The following EIF3A variants were observed in gnomAD, a reference collection of about 807,000 sequenced individuals.
EIF3A encodes eukaryotic translation initiation factor 3 subunit A, also known as EIF3, p180 subunit.
Under a neutral mutation model 186.6 loss-of-function variants are expected in EIF3A, and 21 were observed. That is an observed-to-expected ratio of 0.11 (90% CI 0.08 to 0.16). The LOEUF is 0.16. Ranked by LOEUF, EIF3A falls within the 10% of genes least tolerant of loss-of-function variation. EIF3A has a pLI of 1.00. For missense variants in EIF3A, 1,306 were observed against 1,796.3 expected, an observed-to-expected ratio of 0.73 and a Z score of 4.93; for synonymous variants, 563 against 584.3, an observed-to-expected ratio of 0.96 and a Z score of 0.52.
chr10:119,070,451 A>G (rs1237949935), intron 5 of EIF3A, among the ~76,000 whole-genome samples: 1 of 152,244 alleles, frequency 6.6e-6, no homozygotes. Context: ...ATACAAAATT[A>G]CCACAAAAAT....
At chr10:119,060,723 T>A in intron 9 of EIF3A, 23 bp downstream of exon 9, 1 of 1,568,410 alleles carries the variant, frequency 6.4e-7, no homozygotes, top group East Asian at 2.3e-5. Context: ...ATCACAAAAC[T>A]TTTTTTATTT....
Position 119,080,629 on chromosome 10 carries a change from G to T in EIF3A, c.48C>A (p.Asn16Lys). 6.3e-7 allele frequency: 1 copy of T among 1,592,446 alleles called. No homozygotes were observed. The highest frequency in any genetic ancestry group is 8.5e-7 in the Non-Finnish European group (1 of 1,171,064). ...QRPENALKRANEFLEVGKKQP... is the reference protein window; with the variant it reads ...QRPENALKRAKEFLEVGKKQP... ...GGCGCGCCCCGATCAGCTACTCACC[G>T]TTGGCGCGTTTGAGGGCATTTTCCG... is the stretch of plus-strand genomic sequence containing the variant. The change falls in exon 1 of 22, where the codon AAC becomes AAA. Residue 16 changes from asparagine to lysine, a missense_variant and splice_region_variant. Physicochemically the swap from Asn to Lys is moderately conservative, Grantham distance 94. This residue lies in a region of EIF3A where 130 missense variants were observed against 259.3 expected (regional missense o/e 0.50). Coordinates refer to ENST00000369144, the MANE Select transcript of EIF3A (RefSeq NM_003750.4).
chr10:119,059,233 G>A lies in EIF3A; in HGVS notation c.1608C>T (p.Val536=), dbSNP rs147399233. 5.0e-6 allele frequency: 8 copies of A among 1,614,010 alleles called. No individual in the cohort carries two copies. Among genetic ancestry groups the A allele is most frequent in the African/African-American group, 2.7e-5 (2 of 74,918 alleles). ...ATACCAGTATATGAGCTGGTTTAAT[G>A]ACTTCAAGTGCTTTTGCAAGTACTG... ...MSSVLAKALE[V]IKPAHILQEK... Residue 536 remains valine (V), a synonymous_variant, in exon 11 of 22, where the codon GTC becomes GTT. Coordinates refer to ENST00000369144, the MANE Select transcript of EIF3A (RefSeq NM_003750.4).
At chr10:119,050,731 C>T (rs1277729622) in intron 15 of EIF3A, 57 bp from the exon 16 acceptor site, 2 of 1,585,976 alleles carry the variant, frequency 1.3e-6, no homozygotes, top group Non-Finnish European at 1.7e-6. Context: ...GAGCAACAAA[C>T]TCGCAGAAAG....
At chr10:119,044,942 CTTTTTT>C (rs78342491) in intron 17 of EIF3A, among the ~76,000 whole-genome samples, 5 of 140,558 alleles carry the variant, frequency 3.6e-5, no homozygotes, top group African/African-American at 8.2e-5. Context: ...ATTTTCTTTT[CTTTTTT>C]TTTTTTTTTT....
At chr10:119,052,191 A>T (rs1222381145) in intron 14 of EIF3A, among the ~76,000 whole-genome samples, 2 of 152,186 alleles carry the variant, frequency 1.3e-5, no homozygotes, top group East Asian at 1.9e-4. Flanking sequence ...AACTACACTT[A>T]TGGAATATTC....
chr10:119,050,059 G>T, intron 16 of EIF3A, 74 bp from the exon 17 acceptor site: 2 of 1,380,910 alleles, frequency 1.4e-6, no homozygotes, highest in Non-Finnish European at 2.0e-6. Context: ...CACTTTTCTG[G>T]TATTAAACAG....
chr10:119,042,542 T>C lies in EIF3A; in HGVS notation c.2978A>G (p.Asp993Gly), dbSNP rs1848224153. 6.2e-7 allele frequency: 1 copy of C among 1,614,094 alleles called. No individual in the cohort carries two copies. The highest frequency in any genetic ancestry group is 8.5e-7 in the Non-Finnish European group (1 of 1,179,980). ...AATTCGTCTGGGAGGCCTGTCATCA[T>C]CTGTGTTACGCCAGGAAGGCCGGTC... The part of the protein sequence containing the change: ...DDDRPSWRNT[D>G]DDRPPRRIAD... The change falls in exon 19 of 22, where the codon GAT becomes GGT. Residue 993 changes from aspartate to glycine, a missense_variant. Asp to Gly is a moderately conservative substitution (Grantham distance 94, BLOSUM62 -1). Transcript: ENST00000369144. This position sits in a 1 kb window ranked among gnomAD's most constrained non-coding sequence, Gnocchi z 7.8.
chr10:119,055,507 C>A (rs938425608), intron 14 of EIF3A, among the ~76,000 whole-genome samples: 1 of 152,102 alleles, frequency 6.6e-6, no homozygotes, highest in African/African-American at 2.4e-5. Flanking sequence ...ATGGTGTCAA[C>A]AGACTTGCTC....
chr10:119,041,509 T>C (rs1328589138), intron 19 of EIF3A, among the ~76,000 whole-genome samples: 4 of 152,154 alleles, frequency 2.6e-5, no homozygotes, highest in Non-Finnish European at 5.9e-5. Flanking sequence ...GAGGTCAAGG[T>C]TGCAGTGAGC....
At chr10:119,068,791 G>C (rs577289119) in intron 6 of EIF3A, among the ~76,000 whole-genome samples, 37 of 151,730 alleles carry the variant, frequency 2.4e-4, no homozygotes, top group African/African-American at 8.0e-4. Flanking sequence ...TGGCCAATAT[G>C]GTAAAACTCT....
At chr10:119,037,345 T>C (rs1370271321) in intron 20 of EIF3A, 36 bp from the exon 21 acceptor site, 1 of 1,575,480 alleles carries the variant, frequency 6.3e-7, no homozygotes, top group Admixed American at 1.7e-5. Flanking sequence ...AGGTTCTTAC[T>C]GTTAGACCAA....
intron 19 of EIF3A, among the ~76,000 whole-genome samples, chr10:119,040,309 T>G (rs1352604064): frequency 6.6e-6 from 1 of 151,898 alleles, no homozygotes; most frequent in Non-Finnish European, 1.5e-5. Context: ...TTCAGGAACA[T>G]CAAAAAGGCA....
chr10:119,058,334 C>A, intron 11 of EIF3A, 31 bp from the exon 12 acceptor site: 1 of 1,449,396 alleles, frequency 6.9e-7, no homozygotes, highest in South Asian at 1.3e-5. Context: ...TTTTACATGA[C>A]CAAAATTAAC....
In EIF3A at chr10:119,042,761, C is replaced by T. The variant is rs1311948696; in HGVS notation, c.2759G>A (p.Arg920His). 4 of 1,603,184 alleles carry T rather than the reference C, an allele frequency of 2.5e-6. No homozygotes were observed. The highest frequency in any genetic ancestry group is 1.7e-5 in the Admixed American group (1 of 59,524). ...RRGPPEKEWR[R>H]GEGRDEDRSH... ...CCTGTCCTCATCTCGCCCTTCTCCA[C>T]GTCTCCACTCCCTACACAGCAACAA... The change falls in exon 19 of 22, where the codon CGT (arginine) becomes CAT (histidine). Residue 920 changes from arginine (R) to histidine (H), a missense_variant. Coordinates refer to ENST00000369144, the MANE Select transcript of EIF3A (RefSeq NM_003750.4). This position sits in a 1 kb window ranked among gnomAD's most constrained non-coding sequence, Gnocchi z 7.8.
chr10:119,052,876 C>T (rs1334471482), intron 14 of EIF3A, among the ~76,000 whole-genome samples: 3 of 152,216 alleles, frequency 2.0e-5, no homozygotes, highest in Non-Finnish European at 2.9e-5. Context: ...AGGTTTTCAA[C>T]GTACTTTGCC....
intron 17 of EIF3A, among the ~76,000 whole-genome samples, chr10:119,048,424 A>C (rs1402877461): frequency 6.6e-6 from 1 of 152,202 alleles, no homozygotes; most frequent in East Asian, 1.9e-4. Flanking sequence ...AATTCCAGAC[A>C]CAAGACAGAG....
intron 7 of EIF3A, among the ~76,000 whole-genome samples, chr10:119,064,422 T>C (rs1178169672): frequency 6.6e-6 from 1 of 152,082 alleles, no homozygotes; most frequent in African/African-American, 2.4e-5. Context: ...GACTAAATCA[T>C]GGGGGCAATT....
chr10:119,058,629 C>G (rs553866051), intron 11 of EIF3A, among the ~76,000 whole-genome samples: 3 of 152,304 alleles, frequency 2.0e-5, no homozygotes, highest in East Asian at 1.9e-4. Context: ...TGCGTGTAAC[C>G]CCATCACTTT....
Sources: allele counts gnomAD v4.1 joint callset (sites outside exome capture counted in the v4.1 genomes callset), GRCh38; gene constraint gnomAD v4.1.1; regional missense constraint gnomAD v4.1.1; non-coding constraint Gnocchi (gnomAD v3.1); transcripts MANE v1.5; gene names NCBI Gene and HGNC (gene_info 2026-07-23, HGNC 2026-07-21).